The following KIAA1217 variants were observed in gnomAD, a reference collection of about 807,000 sequenced individuals.
KIAA1217 encodes KIAA1217, also known as sickle tail protein homolog.
A neutral mutation model predicts 163.9 loss-of-function variants in KIAA1217; 88 were observed. The ratio of observed to expected loss-of-function variants is 0.54; its 90% confidence interval spans 0.45 to 0.64. The LOEUF is 0.64. Ranked by LOEUF, KIAA1217 falls within the 30% of genes least tolerant of loss-of-function variation. The pLI is 0.00. For synonymous variants in KIAA1217, 903 were observed against 923.1 expected (o/e 0.98, Z 0.39); for missense variants, 2,372 against 2,475.0 (o/e 0.96, Z 0.88).
intron 2 of KIAA1217, among the ~76,000 whole-genome samples, chr10:24,253,277 C>T (rs2074763411): frequency 6.6e-6 from 1 of 152,120 alleles, no homozygotes; most frequent in African/African-American, 2.4e-5. Flanking sequence ...CACTATTATT[C>T]ATGGAAGTCC....
At chr10:23,950,869 G>T (rs1431799773) in intron 1 of KIAA1217, among the ~76,000 whole-genome samples, 2 of 151,772 alleles carry the variant, frequency 1.3e-5, no homozygotes, top group Non-Finnish European at 2.9e-5. Flanking sequence ...GTATTTTCAG[G>T]GTCTACTCTA....
intron 2 of KIAA1217, among the ~76,000 whole-genome samples, chr10:24,071,495 T>TAA (rs143110102): frequency 1.3e-5 from 2 of 149,212 alleles, no homozygotes; most frequent in African/African-American, 4.9e-5. Flanking sequence ...AGGGTTAATT[T>TAA]AAAAAAAAAA....
chr10:24,235,602 G>A (rs2072125607), intron 2 of KIAA1217, among the ~76,000 whole-genome samples: 1 of 152,192 alleles, frequency 6.6e-6, no homozygotes, highest in South Asian at 2.1e-4. Flanking sequence ...CAACATCCTA[G>A]AGATCTGTTT....
intron 1 of KIAA1217, among the ~76,000 whole-genome samples, chr10:23,702,982 T>C (rs967212936): frequency 1.3e-5 from 2 of 152,068 alleles, no homozygotes; most frequent in Non-Finnish European, 2.9e-5. Context: ...CGCCTCGGCC[T>C]CCCAAAGCGC....
At position 23,704,200 on chromosome 10, in the gene KIAA1217, A is replaced by G. The variant is rs1298242681; in HGVS notation, c.-321+8966A>G. On this transcript the variant is annotated intron_variant, in intron 1 of 18. Coordinates refer to the KIAA1217 transcript ENST00000376462. ...TATATATATATATATATATATATAT[A>G]TATATATATATAGTGAGCTCAGTGG... Among the ~76,000 whole-genome samples, 58 of 127,992 alleles carry G rather than the reference A, an allele frequency of 4.5e-4. 3 individuals are homozygous for G. The highest frequency in any genetic ancestry group is 3.3e-4 in the African/African-American group (11 of 32,912). The allele number at this position is 127,992 out of a possible 152,430, so 84.0% of individuals were successfully genotyped here. A position where few individuals can be genotyped will look rare whatever the true frequency, so the allele number is the denominator to read the frequency against.
chr10:24,431,527 A>G (rs1296630482), intron 3 of KIAA1217, among the ~76,000 whole-genome samples: 1 of 152,156 alleles, frequency 6.6e-6, no homozygotes, highest in Non-Finnish European at 1.5e-5. Context: ...GCTCATCCAC[A>G]TAACCTCAGT....
chr10:24,108,939 C>T (rs1201679531), intron 2 of KIAA1217, among the ~76,000 whole-genome samples: 1 of 152,222 alleles, frequency 6.6e-6, no homozygotes, highest in African/African-American at 2.4e-5. Context: ...TCAAGCGATT[C>T]TTCTGCCTCA....
chr10:23,896,682 T>C (rs534021983), intron 1 of KIAA1217, among the ~76,000 whole-genome samples: 39 of 152,190 alleles, frequency 2.6e-4, no homozygotes, highest in African/African-American at 8.7e-4. Flanking sequence ...AAAGGTTGGG[T>C]TAATCTCTTA....
intron 1 of KIAA1217, among the ~76,000 whole-genome samples, chr10:23,703,650 G>T (rs1197102600): frequency 6.6e-6 from 1 of 152,010 alleles, no homozygotes; most frequent in African/African-American, 2.4e-5. Context: ...GTACAAACTG[G>T]TCCCCATACT....
At chr10:23,955,452 C>T (rs1844518373) in intron 1 of KIAA1217, among the ~76,000 whole-genome samples, 1 of 152,220 alleles carries the variant, frequency 6.6e-6, no homozygotes, top group South Asian at 2.1e-4. Flanking sequence ...TGATGCTTCG[C>T]TCCTTTTATC....
intron 2 of KIAA1217, among the ~76,000 whole-genome samples, chr10:24,092,928 T>TG (rs548350322): frequency 0.017 from 2,432 of 141,030 alleles, 37 homozygotes; most frequent in South Asian, 0.032. Context: ...TGTGTGTGTG[T>TG]TGTGTGTGTG....
At chr10:24,170,405 G>A (rs2065571595) in intron 2 of KIAA1217, among the ~76,000 whole-genome samples, 1 of 152,188 alleles carries the variant, frequency 6.6e-6, no homozygotes, top group African/African-American at 2.4e-5. Flanking sequence ...TCTCCAATCT[G>A]TTCCCAAGCT....
chr10:24,044,940 C>A (rs1196113458), intron 2 of KIAA1217, among the ~76,000 whole-genome samples: 3 of 152,036 alleles, frequency 2.0e-5, no homozygotes, highest in African/African-American at 7.2e-5. Context: ...CTCTTTCTTG[C>A]CTGATTTCTA....
chr10:24,187,800 G>A (rs2066511607), intron 2 of KIAA1217, among the ~76,000 whole-genome samples: 1 of 152,036 alleles, frequency 6.6e-6, no homozygotes, highest in Admixed American at 6.6e-5. Context: ...TGAGGCAGGA[G>A]AATCGCTTGA....
At chr10:24,511,043 T>C (rs1181132270) in intron 9 of KIAA1217, among the ~76,000 whole-genome samples, 1 of 147,198 alleles carries the variant, frequency 6.8e-6, no homozygotes, top group Non-Finnish European at 1.5e-5. Context: ...TTCTGGGAGA[T>C]GGGAATAGCA....
rs150682618 is a variant in KIAA1217 at position 24,444,717 on chromosome 10, A to G, written c.846+6238A>G. Reference sequence around the variant, plus strand: ...TATCTCTCTGTTCTCATCACCAGAAATAGTTGTGCTTCTCCTGGTTTATTT... The same window carrying G: ...TATCTCTCTGTTCTCATCACCAGAAGTAGTTGTGCTTCTCCTGGTTTATTT... On this transcript the variant is annotated intron_variant, in intron 5 of 20. Transcript: ENST00000376454. Among the ~76,000 whole-genome samples, 220 of 152,314 alleles carry G rather than the reference A, an allele frequency of 1.4e-3. 1 individual carries two copies. The highest frequency in any genetic ancestry group is 5.1e-3 in the African/African-American group (210 of 41,572).
At chr10:24,019,206 A>G (rs926132525) in intron 2 of KIAA1217, among the ~76,000 whole-genome samples, 1 of 152,144 alleles carries the variant, frequency 6.6e-6, no homozygotes, top group Non-Finnish European at 1.5e-5. Flanking sequence ...AAATGTTCTC[A>G]TCAGAAAAAT....
At chr10:24,075,119 TACACACAC>T (rs71397929) in intron 2 of KIAA1217, among the ~76,000 whole-genome samples, 1,629 of 131,538 alleles carry the variant, frequency 0.012, 17 homozygotes, top group African/African-American at 0.034. Flanking sequence ...TCCCCCTAAA[TACACACAC>T]ACACACACAC....
At chr10:24,445,952 C>T (rs1221197720) in intron 5 of KIAA1217, among the ~76,000 whole-genome samples, 1 of 152,178 alleles carries the variant, frequency 6.6e-6, no homozygotes, top group Non-Finnish European at 1.5e-5. Flanking sequence ...TGAGGAATCG[C>T]CACACCAACT....
Sources: gnomAD v4.1 joint callset for allele counts (sites outside exome capture counted in the v4.1 genomes callset) on GRCh38, gnomAD v4.1.1 for gene constraint, MANE v1.5 for transcripts, NCBI Gene and HGNC (gene_info 2026-07-23, HGNC 2026-07-21) for gene names.